PCSK5: variants seen among roughly 807,000 people sequenced by gnomAD.
The protein encoded by PCSK5 is proprotein convertase subtilisin/kexin type 5.
A neutral mutation model predicts 233.2 loss-of-function variants in PCSK5; 129 were observed. The ratio of observed to expected loss-of-function variants is 0.55; its 90% CI spans 0.48 to 0.64. PCSK5 has a LOEUF of 0.64. Among genes scored for constraint, PCSK5 ranks in the 30% least tolerant of loss-of-function variants. The pLI, the probability that PCSK5 is intolerant of heterozygous loss-of-function variation, is 0.00. For synonymous variants in PCSK5, 825 were observed against 879.2 expected (o/e 0.94, Z 1.09); for missense variants, 2,076 against 2,430.1 (o/e 0.85, Z 3.06).
chr9:75,957,252 G>A (rs557138983), intron 2 of PCSK5, among the ~76,000 whole-genome samples: 8 of 152,222 alleles, frequency 5.3e-5, no homozygotes, highest in African/African-American at 1.7e-4. Flanking sequence ...GGACAATTCA[G>A]GCCAAGTGAT....
chr9:76,285,212 C>G (rs1294696870), intron 24 of PCSK5, among the ~76,000 whole-genome samples: 2 of 149,126 alleles, frequency 1.3e-5, no homozygotes, highest in Non-Finnish European at 2.9e-5. Context: ...GTGAATGGAG[C>G]CCCTAGTTTG....
intron 10 of PCSK5, among the ~76,000 whole-genome samples, chr9:76,149,538 T>C (rs1466589113): frequency 3.3e-5 from 5 of 152,234 alleles, no homozygotes; most frequent in African/African-American, 1.2e-4. Flanking sequence ...GGCTGCCGGC[T>C]AACCAAAATC....
chr9:76,337,935 G>A (rs562618858), intron 34 of PCSK5, among the ~76,000 whole-genome samples: 98 of 152,228 alleles, frequency 6.4e-4, no homozygotes, highest in African/African-American at 2.3e-3. Context: ...AAAAGGCAAT[G>A]GTAGCTAGCA....
chr9:76,349,170 A>T (rs976080311), intron 35 of PCSK5, among the ~76,000 whole-genome samples: 1 of 150,180 alleles, frequency 6.7e-6, no homozygotes, highest in Non-Finnish European at 1.5e-5. Context: ...GCTACTCAGG[A>T]GGCTAAGGCA....
At chr9:75,911,218 T>TG (rs1288252243) in intron 1 of PCSK5, among the ~76,000 whole-genome samples, 4 of 143,584 alleles carry the variant, frequency 2.8e-5, no homozygotes, top group Non-Finnish European at 6.1e-5. Flanking sequence ...TTTTTTTTTT[T>TG]TTTTTTTTTT....
intron 20 of PCSK5, among the ~76,000 whole-genome samples, chr9:76,190,914 G>A (rs772065937): frequency 1.3e-5 from 2 of 152,150 alleles, no homozygotes; most frequent in African/African-American, 2.4e-5. Flanking sequence ...TTTCTAATCT[G>A]CAGCCAGGTT....
chr9:75,943,210 T>A (rs1394456836), intron 2 of PCSK5, among the ~76,000 whole-genome samples: 1 of 152,162 alleles, frequency 6.6e-6, no homozygotes, highest in Non-Finnish European at 1.5e-5. Context: ...AGATGTCAGA[T>A]TCTAAAAAGG....
intron 5 of PCSK5, among the ~76,000 whole-genome samples, chr9:76,042,178 GA>G (rs1185124909): frequency 6.6e-6 from 1 of 152,098 alleles, no homozygotes; most frequent in Non-Finnish European, 1.5e-5. Flanking sequence ...TAAAGGGAAA[GA>G]AAAAACACCA....
At chr9:76,331,680 A>G (rs1009852024) in intron 33 of PCSK5, among the ~76,000 whole-genome samples, 85 of 151,852 alleles carry the variant, frequency 5.6e-4, no homozygotes, top group African/African-American at 1.7e-3. Context: ...AAAAAAAAAA[A>G]AGAGAGATGC....
chr9:76,197,979 G>C (rs896655687), intron 20 of PCSK5, among the ~76,000 whole-genome samples: 1 of 152,208 alleles, frequency 6.6e-6, no homozygotes, highest in South Asian at 2.1e-4. Flanking sequence ...AGAACTACTT[G>C]GCACCTAGAA....
At chr9:76,062,083 C>A (rs1157315574) in intron 5 of PCSK5, among the ~76,000 whole-genome samples, 1 of 151,920 alleles carries the variant, frequency 6.6e-6, no homozygotes, top group Non-Finnish European at 1.5e-5. Context: ...CCTGTCTCTA[C>A]AAAAAAATTT....
intron 24 of PCSK5, chr9:76,286,478 G>A (rs1315278905): frequency 6.5e-6 from 1 of 153,870 alleles, no homozygotes; most frequent in Non-Finnish European, 1.5e-5. Context: ...CATACAGCCA[G>A]GGGTGTGATA....
At chr9:75,963,926 G>C (rs1825465478) in intron 2 of PCSK5, among the ~76,000 whole-genome samples, 1 of 152,204 alleles carries the variant, frequency 6.6e-6, no homozygotes, top group African/African-American at 2.4e-5. Flanking sequence ...ATACCATATA[G>C]TGGAAAAAGC....
At chr9:76,265,488 G>A (rs2131365927) in intron 24 of PCSK5, among the ~76,000 whole-genome samples, 1 of 152,158 alleles carries the variant, frequency 6.6e-6, no homozygotes, top group African/African-American at 2.4e-5. Context: ...CTAGATTAGA[G>A]GAAACTAAAT....
At chr9:76,278,479 G>C (rs1030979970) in intron 24 of PCSK5, among the ~76,000 whole-genome samples, 6 of 151,788 alleles carry the variant, frequency 4.0e-5, no homozygotes, top group African/African-American at 1.5e-4. Flanking sequence ...GGAGGATGCT[G>C]TTTTCAAATA....
chr9:76,304,140 C>A (rs938538125), intron 28 of PCSK5, among the ~76,000 whole-genome samples: 15 of 152,242 alleles, frequency 9.9e-5, no homozygotes, highest in African/African-American at 3.4e-4. Context: ...CCACTGCACT[C>A]CAGCCTAGGT....
intron 9 of PCSK5, among the ~76,000 whole-genome samples, chr9:76,117,284 T>C (rs1031158985): frequency 6.6e-6 from 1 of 152,044 alleles, no homozygotes; most frequent in African/African-American, 2.4e-5. Flanking sequence ...TTGGCTCCAA[T>C]AGAGCCTACA....
intron 9 of PCSK5, among the ~76,000 whole-genome samples, chr9:76,129,979 A>G (rs1822692358): frequency 6.6e-6 from 1 of 152,176 alleles, no homozygotes; most frequent in South Asian, 2.1e-4. Context: ...AACGGAGAAG[A>G]GTCACGTAGC....
intron 24 of PCSK5, among the ~76,000 whole-genome samples, chr9:76,257,912 T>A (rs1202167841): frequency 2.0e-5 from 3 of 152,242 alleles, no homozygotes; most frequent in African/African-American, 7.2e-5. Context: ...TTTTCCTATA[T>A]GTATATGTTT....
Sources: allele counts gnomAD v4.1 joint callset (sites outside exome capture counted in the v4.1 genomes callset), GRCh38; gene constraint gnomAD v4.1.1; transcripts MANE v1.5; gene names NCBI Gene and HGNC (gene_info 2026-07-23, HGNC 2026-07-21).